ACYP2: variants seen among roughly 807,000 people sequenced by gnomAD.
The protein encoded by ACYP2 is acylphosphatase-2.
Under a neutral mutation model 11.2 loss-of-function variants are expected in ACYP2, and 12 were observed. That is an observed-to-expected ratio of 1.08 (90% CI 0.69 to 1.74). ACYP2 has a LOEUF of 1.74. ACYP2 is among the 40% of genes most tolerant of loss of function. The probability of loss-of-function intolerance (pLI) is 0.00; values close to 1 mark genes in which losing one functional copy is unlikely to be tolerated. For missense variants in ACYP2, 134 were observed against 101.9 expected (o/e 1.31, Z -1.35); for synonymous variants, 43 against 32.2 (o/e 1.33, Z -1.13).
chr2:54,012,792 T>C (rs1673447525), intron 2 of ACYP2, among the ~76,000 whole-genome samples: 3 of 152,168 alleles, frequency 2.0e-5, no homozygotes, highest in Admixed American at 2.0e-4. Context: ...GCCAGAGTTT[T>C]CCTATTAAAA....
chr2:54,231,703 T>C (rs371021811), intron 6 of ACYP2, among the ~76,000 whole-genome samples: 52 of 152,354 alleles, frequency 3.4e-4, no homozygotes, highest in African/African-American at 1.2e-3. Context: ...CTATCACTCA[T>C]TGGCATCTAG....
intron 6 of ACYP2, among the ~76,000 whole-genome samples, chr2:54,212,212 G>A (rs1237467160): frequency 6.6e-6 from 1 of 152,092 alleles, no homozygotes; most frequent in African/African-American, 2.4e-5. Context: ...TATTTATTTT[G>A]GGGGATGCAA....
At chr2:53,980,943 G>T (rs988504228) in intron 2 of ACYP2, among the ~76,000 whole-genome samples, 2 of 151,914 alleles carry the variant, frequency 1.3e-5, no homozygotes, top group Non-Finnish European at 2.9e-5. Context: ...GTAGAAATGG[G>T]GTTTTGCCGT....
At chr2:54,066,649 G>C (rs41492747) in intron 4 of ACYP2, among the ~76,000 whole-genome samples, 3,991 of 152,112 alleles carry the variant, frequency 0.026, 212 homozygotes, top group East Asian at 0.2. Flanking sequence ...TATCAATCCA[G>C]GATGTATTCC....
chr2:53,981,858 C>T (rs892900813), intron 2 of ACYP2, among the ~76,000 whole-genome samples: 1 of 152,152 alleles, frequency 6.6e-6, no homozygotes, highest in African/African-American at 2.4e-5. Flanking sequence ...CCTAACAATA[C>T]ATTTCTCAAA....
chr2:54,217,653 G>A (rs1332102298), intron 6 of ACYP2, among the ~76,000 whole-genome samples: 3 of 152,090 alleles, frequency 2.0e-5, no homozygotes, highest in African/African-American at 4.8e-5. Flanking sequence ...GATTACAGGC[G>A]TGAGCCTGTA....
chr2:54,065,969 T>C (rs1676724226), intron 4 of ACYP2: 1 of 153,346 alleles, frequency 6.5e-6, no homozygotes, highest in Non-Finnish European at 1.5e-5. Context: ...CCAACTGAAG[T>C]CATGCAATTT....
intron 6 of ACYP2, among the ~76,000 whole-genome samples, chr2:54,259,600 G>T (rs1433624329): frequency 6.6e-6 from 1 of 151,144 alleles, no homozygotes; most frequent in East Asian, 1.9e-4. Context: ...TTGACCGTCG[G>T]ATTTTACAAC....
chr2:54,003,458 C>T (rs1276887240), intron 2 of ACYP2, among the ~76,000 whole-genome samples: 1 of 151,898 alleles, frequency 6.6e-6, no homozygotes, highest in East Asian at 1.9e-4. Context: ...TGGGGTTTCT[C>T]CATGTTGGTC....
intron 6 of ACYP2, among the ~76,000 whole-genome samples, chr2:54,280,067 G>C (rs1225544283): frequency 6.6e-6 from 1 of 152,088 alleles, no homozygotes; most frequent in Admixed American, 6.5e-5. Flanking sequence ...AACAATAGGA[G>C]ATATCCAGAA....
At chr2:54,075,672 G>C (rs2103656055) in intron 4 of ACYP2, among the ~76,000 whole-genome samples, 1 of 152,084 alleles carries the variant, frequency 6.6e-6, no homozygotes, top group Non-Finnish European at 1.5e-5. Flanking sequence ...AATTAGCCAG[G>C]TGTGGTGGTG....
At chr2:54,154,202 A>T (rs1457704802) in intron 6 of ACYP2, among the ~76,000 whole-genome samples, 3 of 152,034 alleles carry the variant, frequency 2.0e-5, no homozygotes, top group African/African-American at 7.2e-5. Flanking sequence ...GTTTTTTGGT[A>T]GAGTCTTTAT....
intron 4 of ACYP2, among the ~76,000 whole-genome samples, chr2:54,107,723 C>T (rs1300941223): frequency 1.3e-5 from 2 of 152,136 alleles, no homozygotes; most frequent in East Asian, 1.9e-4. Flanking sequence ...AATATCAATT[C>T]GGGAATCCAT....
chr2:54,028,121 G>A (rs1164583152), intron 2 of ACYP2, among the ~76,000 whole-genome samples: 2 of 152,108 alleles, frequency 1.3e-5, no homozygotes, highest in African/African-American at 4.8e-5. Flanking sequence ...GGGATTATAA[G>A]CATGTGCCAC....
chr2:54,033,079 G>A (rs930934981), intron 2 of ACYP2, among the ~76,000 whole-genome samples: 36 of 152,294 alleles, frequency 2.4e-4, no homozygotes, highest in African/African-American at 8.2e-4. Context: ...ACTAATCAGG[G>A]TGAACAAAGA....
intron 2 of ACYP2, among the ~76,000 whole-genome samples, chr2:54,012,097 G>A (rs943008534): frequency 1.6e-4 from 24 of 152,114 alleles, no homozygotes; most frequent in Admixed American, 1.2e-3. Context: ...TTAGCCAGGC[G>A]TGGTGGCGTG....
chr2:54,269,413 A>G (rs535724494), intron 6 of ACYP2, among the ~76,000 whole-genome samples: 2 of 152,370 alleles, frequency 1.3e-5, no homozygotes, highest in South Asian at 4.1e-4. Flanking sequence ...CAAACTGCAA[A>G]CTTTAAAAAG....
chr2:54,039,639 C>T (rs1347392689), intron 2 of ACYP2, among the ~76,000 whole-genome samples: 1 of 152,016 alleles, frequency 6.6e-6, no homozygotes, highest in Non-Finnish European at 1.5e-5. Context: ...GTTGCCCAAG[C>T]TGGTCTCGAA....
chr2:54,100,788 A>G (rs1242759941), intron 4 of ACYP2, among the ~76,000 whole-genome samples: 1 of 152,238 alleles, frequency 6.6e-6, no homozygotes, highest in Non-Finnish European at 1.5e-5. Context: ...ATAATGGTAG[A>G]GGAAAGTACC....
Sources: allele counts gnomAD v4.1 joint callset (sites outside exome capture counted in the v4.1 genomes callset), GRCh38; gene constraint gnomAD v4.1.1; transcripts MANE v1.5; gene names NCBI Gene and HGNC (gene_info 2026-07-23, HGNC 2026-07-21).